The following MTNR1B variants were observed in gnomAD, a reference collection of about 807,000 sequenced individuals.
MTNR1B encodes the protein melatonin receptor 1B.
Under a neutral mutation model 7.0 loss-of-function variants are expected in MTNR1B, and 7 were observed. That is an observed-to-expected ratio of 1.00 (90% confidence interval 0.57 to 1.88). MTNR1B has a LOEUF of 1.88. Among genes scored for constraint, MTNR1B ranks in the 40% most tolerant of loss-of-function variants. MTNR1B has a pLI of 0.00. For missense variants in MTNR1B, 478 were observed against 486.5 expected (o/e 0.98, Z 0.16); for synonymous variants, 226 against 208.2 (o/e 1.09, Z -0.74).
chr11:92,975,917 C>T (rs976011238), intron 1 of MTNR1B, among the ~76,000 whole-genome samples: 1 of 152,192 alleles, frequency 6.6e-6, no homozygotes, highest in Non-Finnish European at 1.5e-5. Flanking sequence ...ATTATCAGCC[C>T]AAGACCAAAC....
In MTNR1B at chr11:92,969,828, C is replaced by T. The variant is rs551192907; in HGVS notation, c.103C>T (p.Arg35Ter). Residue 35 changes from arginine to a stop codon, truncating the protein, a stop_gained, in exon 1 of 2, where the codon CGA becomes TGA. Coordinates refer to ENST00000257068, the MANE Select transcript of MTNR1B (RefSeq NM_005959.5). LOFTEE classifies it high-confidence loss of function. ...CAGCGCGCGGCCCTCCAGGACCCCT[C>T]GACCTCCCTGGGTGGCTCCAGCGCT... Reference protein sequence around the residue: ...AGSARPSRTPRPPWVAPALSA... With the variant: ...AGSARPSRTP 3.1e-6 allele frequency: 5 copies of T among 1,600,380 alleles called. No individual in the cohort carries two copies. The highest frequency in any genetic ancestry group is 2.3e-5 in the East Asian group (1 of 44,112).
intron 1 of MTNR1B, among the ~76,000 whole-genome samples, chr11:92,977,412 C>T (rs909565349): frequency 2.6e-5 from 4 of 152,196 alleles, no homozygotes; most frequent in Admixed American, 2.6e-4. Context: ...TTCAAATGCC[C>T]ATCCCCAGAA....
At chr11:92,979,515 G>A (rs997412596) in intron 1 of MTNR1B, among the ~76,000 whole-genome samples, 1 of 152,214 alleles carries the variant, frequency 6.6e-6, no homozygotes, top group Non-Finnish European at 1.5e-5. Flanking sequence ...TAGTAGAGTA[G>A]GTAGGAATCC....
intron 1 of MTNR1B, among the ~76,000 whole-genome samples, chr11:92,977,355 G>GTGTT (rs1858025580): frequency 6.6e-6 from 1 of 152,166 alleles, no homozygotes; most frequent in Non-Finnish European, 1.5e-5. Flanking sequence ...CATTGTTTTA[G>GTGTT]TGTTTGTTTG....
chr11:92,982,404 C>T lies in MTNR1B; in HGVS notation c.*92C>T. 1 of 1,432,656 alleles carries T rather than the reference C, an allele frequency of 7.0e-7. No homozygotes were observed. Among genetic ancestry groups the T allele is most frequent in the Non-Finnish European group, 9.3e-7 (1 of 1,072,724 alleles). The allele number at this position is 1,432,656 out of a possible 1,614,324, so 88.7% of individuals were successfully genotyped here. A position where few individuals can be genotyped will look rare whatever the true frequency, so the allele number is the denominator to read the frequency against. ...GGTGAGACCAGGCAGCCTGCTGGGC[C>T]ACACTGTCCTGTTGGCATCACAGCC... On this transcript the variant is annotated 3_prime_UTR_variant, in exon 2 of 2. Transcript: ENST00000257068.
chr11:92,982,182 A>G lies in MTNR1B; in HGVS notation c.959A>G (p.Lys320Arg). ...LLNQNFRREYKRILLALWNPR... is the reference protein window; with the variant it reads ...LLNQNFRREYRRILLALWNPR... The stretch of plus-strand genomic sequence containing the variant: ...AACCAAAACTTCCGCAGGGAATACA[A>G]GAGGATCCTCTTGGCCCTTTGGAAC... Residue 320 changes from lysine to arginine, a missense_variant, in exon 2 of 2, where the codon AAG (lysine) becomes AGG (arginine). By Grantham distance (26) the Lys-to-Arg change is conservative. Transcript: ENST00000257068. 3.1e-6 allele frequency: 5 copies of G among 1,614,226 alleles called. No individual in the cohort carries two copies. Among genetic ancestry groups the G allele is most frequent in the Non-Finnish European group, 4.2e-6 (5 of 1,180,042 alleles).
Position 92,969,860 on chromosome 11 carries a change from G to A in MTNR1B, c.135G>A (p.Ala45=). 21 of 1,611,182 alleles carry A rather than the reference G, an allele frequency of 1.3e-5. No individual in the cohort carries two copies. Among genetic ancestry groups the A allele is most frequent in the Non-Finnish European group, 1.8e-5 (21 of 1,179,386 alleles). ...RPPWVAPALS[A]VLIVTTAVDV... ...CCTGGGTGGCTCCAGCGCTGTCCGC[G>A]GTGCTCATCGTCACCACCGCCGTGG... The change falls in exon 1 of 2, where the codon GCG becomes GCA. Residue 45 remains alanine, a synonymous_variant. Coordinates refer to ENST00000257068, the MANE Select transcript of MTNR1B (RefSeq NM_005959.5).
At chr11:92,984,223 G>A (rs1858162995), downstream of MTNR1B, among the ~76,000 whole-genome samples, 1 of 152,164 alleles carries the variant, frequency 6.6e-6, no homozygotes, top group Admixed American at 6.5e-5. Flanking sequence ...ATCTAGGCTG[G>A]GTGCTGTGCT....
rs1483481199 is a variant in MTNR1B at position 92,981,525 on chromosome 11, T to C, written c.302T>C (p.Ile101Thr). The C allele has an allele frequency of 6.2e-7, 1 of 1,614,148 alleles. No homozygotes were observed. Among genetic ancestry groups the C allele is most frequent in the Non-Finnish European group, 8.5e-7 (1 of 1,180,028 alleles). ...FYPYPLILVA[I>T]FYDGWALGEE... is the part of the protein sequence containing the mutation. ...CCCTACCCGCTAATCCTCGTGGCCA[T>C]CTTCTATGACGGCTGGGCCCTGGGG... is the stretch of plus-strand genomic sequence containing the variant. Residue 101 changes from isoleucine (I) to threonine (T), a missense_variant, in exon 2 of 2, where the codon ATC (isoleucine) becomes ACC (threonine). Transcript: ENST00000257068.
At chr11:92,974,892 G>A (rs528669557) in intron 1 of MTNR1B, among the ~76,000 whole-genome samples, 20 of 152,154 alleles carry the variant, frequency 1.3e-4, no homozygotes, top group East Asian at 3.9e-4. Flanking sequence ...GTGAGCCACC[G>A]CGCCCGGCCT....
downstream of MTNR1B, among the ~76,000 whole-genome samples, chr11:92,982,948 C>A (rs1372071980): frequency 6.0e-5 from 3 of 49,594 alleles, no homozygotes; most frequent in African/African-American, 9.0e-5. Flanking sequence ...CCCCCCCCCC[C>A]ACACACACAC....
intron 1 of MTNR1B, among the ~76,000 whole-genome samples, chr11:92,975,806 C>G (rs1016295388): frequency 3.9e-5 from 6 of 152,130 alleles, no homozygotes; most frequent in Non-Finnish European, 5.9e-5. Flanking sequence ...GAAGTGGAGC[C>G]CACTCCATCA....
chr11:92,973,569 C>G (rs78938799), intron 1 of MTNR1B, among the ~76,000 whole-genome samples: 2 of 152,224 alleles, frequency 1.3e-5, no homozygotes, highest in African/African-American at 2.4e-5. Flanking sequence ...TCTACCTCTT[C>G]TGCCCAGTCA....
intron 1 of MTNR1B, among the ~76,000 whole-genome samples, chr11:92,977,974 G>T (rs1858037094): frequency 6.6e-6 from 1 of 152,164 alleles, no homozygotes; most frequent in African/African-American, 2.4e-5. Flanking sequence ...CTTTATAAGG[G>T]GAGGTAGCCT....
At chr11:92,978,870 T>G (rs905247081) in intron 1 of MTNR1B, among the ~76,000 whole-genome samples, 9 of 152,210 alleles carry the variant, frequency 5.9e-5, no homozygotes, top group African/African-American at 2.2e-4. Flanking sequence ...TGACTCTGCC[T>G]TCACAGGGAA....
At chr11:92,972,699 C>T (rs751483858) in intron 1 of MTNR1B, 15 of 370,022 alleles carry the variant, frequency 4.1e-5, no homozygotes, top group Admixed American at 6.5e-5. Flanking sequence ...AGGGACTTGC[C>T]ACACTTTTGA....
chr11:92,970,841 T>C (rs759171190), intron 1 of MTNR1B, among the ~76,000 whole-genome samples: 6 of 152,068 alleles, frequency 3.9e-5, no homozygotes, highest in Non-Finnish European at 7.4e-5. Flanking sequence ...AATATTAGAG[T>C]GAATTAAAAT....
At chr11:92,984,769 G>A, downstream of MTNR1B, 1 of 423,326 alleles carries the variant, frequency 2.4e-6, no homozygotes, top group South Asian at 1.7e-5. Context: ...GTTCGGCACT[G>A]ACAATCCACT....
At chr11:92,975,411 G>C (rs1857996869) in intron 1 of MTNR1B, among the ~76,000 whole-genome samples, 1 of 152,190 alleles carries the variant, frequency 6.6e-6, no homozygotes, top group South Asian at 2.1e-4. Flanking sequence ...ACTATTTGAT[G>C]TTAAGATTGC....
Sources: allele counts gnomAD v4.1 joint callset (sites outside exome capture counted in the v4.1 genomes callset), GRCh38; gene constraint gnomAD v4.1.1; transcripts MANE v1.5; gene names NCBI Gene and HGNC (gene_info 2026-07-23, HGNC 2026-07-21).